ADARB2: variants seen among roughly 807,000 people sequenced by gnomAD.
ADARB2 encodes adenosine deaminase RNA specific B2 (inactive).
Under a neutral mutation model 62.2 loss-of-function variants are expected in ADARB2, and 25 were observed. That is an observed-to-expected ratio of 0.40 (90% CI 0.29 to 0.56). The LOEUF (loss-of-function observed/expected upper bound fraction) is 0.56. ADARB2 is among the 20% of genes least tolerant of loss of function. ADARB2 has a pLI of 0.43. For synonymous variants in ADARB2, 572 were observed against 500.8 expected (o/e 1.14, Z -1.90); for missense variants, 1,071 against 1,077.4 (o/e 0.99, Z 0.08).
At chr10:1,198,064 T>G (rs1042199882) in intron 8 of ADARB2, among the ~76,000 whole-genome samples, 1 of 152,264 alleles carries the variant, frequency 6.6e-6, no homozygotes, top group Admixed American at 6.5e-5. Context: ...TGCTGAAGGA[T>G]TCAGCGTTTG....
chr10:1,497,074 G>T (rs182653808), intron 1 of ADARB2, among the ~76,000 whole-genome samples: 34 of 152,266 alleles, frequency 2.2e-4, no homozygotes, highest in Admixed American at 1.6e-3. Flanking sequence ...ACTGGCTTTT[G>T]AATCTCAGGT....
intron 1 of ADARB2, among the ~76,000 whole-genome samples, chr10:1,641,445 A>G (rs1833976809): frequency 6.6e-6 from 1 of 152,274 alleles, no homozygotes; most frequent in African/African-American, 2.4e-5. Context: ...TGTTTAAACC[A>G]CAGCATTTTT....
Position 1,179,662 on chromosome 10 carries a change from A to C in ADARB2, c.*3531T>G, listed in dbSNP as rs1836638544. 1 of 152,266 alleles carries C rather than the reference A, an allele frequency of 6.6e-6. No homozygotes were observed. The highest frequency in any genetic ancestry group is 1.5e-5 in the Non-Finnish European group (1 of 68,052). 9.4% of individuals were successfully genotyped at this position (152,266 alleles called of 1,614,324 possible). A position where few individuals can be genotyped will look rare whatever the true frequency, so the allele number is the denominator to read the frequency against. The stretch of plus-strand genomic sequence containing the variant: ...GATGGGAAAGCAGTGTGTGTTTTGG[A>C]GGCAGATAAAGGTGGTGCTGGTTTT... On this transcript the variant is annotated 3_prime_UTR_variant, in exon 10 of 10. Transcript: ENST00000381312.
chr10:1,627,670 T>A (rs1226683513), intron 1 of ADARB2, among the ~76,000 whole-genome samples: 3 of 152,210 alleles, frequency 2.0e-5, no homozygotes, highest in Non-Finnish European at 4.4e-5. Context: ...CACTGGCTGT[T>A]TTACAGATTA....
At chr10:1,271,512 C>T (rs1661042096) in intron 3 of ADARB2, among the ~76,000 whole-genome samples, 1 of 152,206 alleles carries the variant, frequency 6.6e-6, no homozygotes, top group African/African-American at 2.4e-5. Flanking sequence ...AAATGGCTGG[C>T]GCTGTGGCTC....
At chr10:1,193,785 G>A (rs1836872969) in intron 8 of ADARB2, among the ~76,000 whole-genome samples, 1 of 151,918 alleles carries the variant, frequency 6.6e-6, no homozygotes, top group Admixed American at 6.6e-5. Flanking sequence ...TTGTTTTTTT[G>A]TCTTCTGAGA....
intron 3 of ADARB2, among the ~76,000 whole-genome samples, chr10:1,350,079 C>G (rs1368768067): frequency 2.0e-5 from 3 of 152,188 alleles, no homozygotes; most frequent in African/African-American, 7.2e-5. Context: ...ATCTAAGCGT[C>G]TTATTTTCTT....
At chr10:1,606,420 C>T (rs1215601780) in intron 1 of ADARB2, among the ~76,000 whole-genome samples, 1 of 152,118 alleles carries the variant, frequency 6.6e-6, no homozygotes, top group Non-Finnish European at 1.5e-5. Flanking sequence ...CAGGTGAGAG[C>T]CCTGCTTCAC....
At chr10:1,259,722 C>G (rs922507217) in intron 4 of ADARB2, among the ~76,000 whole-genome samples, 59 of 152,274 alleles carry the variant, frequency 3.9e-4, no homozygotes, top group African/African-American at 1.3e-3. Context: ...ACCAGAGGTA[C>G]AAGGAGGAAC....
intron 1 of ADARB2, among the ~76,000 whole-genome samples, chr10:1,680,003 G>T (rs1834514690): frequency 6.6e-6 from 1 of 152,094 alleles, no homozygotes; most frequent in Non-Finnish European, 1.5e-5. Context: ...CACTTAACCT[G>T]CCAGGCAGTG....
chr10:1,735,248 T>C (rs1363304609), intron 1 of ADARB2, among the ~76,000 whole-genome samples: 2 of 152,214 alleles, frequency 1.3e-5, no homozygotes, highest in Non-Finnish European at 2.9e-5. Flanking sequence ...TATGGAAATA[T>C]TTGCTATAGG....
intron 1 of ADARB2, among the ~76,000 whole-genome samples, chr10:1,467,297 A>G (rs960784305): frequency 6.6e-6 from 1 of 152,230 alleles, no homozygotes; most frequent in African/African-American, 2.4e-5. Flanking sequence ...CTGTTCTTCA[A>G]GCCCCCATCT....
chr10:1,224,364 T>C (rs1454436399), intron 6 of ADARB2, among the ~76,000 whole-genome samples: 2 of 132,904 alleles, frequency 1.5e-5, no homozygotes, highest in East Asian at 4.9e-4. Context: ...TGTTGATCTT[T>C]TCAAAAAAAC....
intron 1 of ADARB2, among the ~76,000 whole-genome samples, chr10:1,628,580 C>T (rs1225062814): frequency 6.6e-6 from 1 of 152,238 alleles, no homozygotes; most frequent in Admixed American, 6.5e-5. Context: ...CCGAATGTCA[C>T]TAGAGACTCA....
At position 1,271,726 on chromosome 10, in the gene ADARB2, G is replaced by A. The variant is rs115643229; in HGVS notation, c.1078-657C>T. 3.5e-3 allele frequency among the ~76,000 whole-genome samples: 526 copies of A among 152,336 alleles called. 5 individuals are homozygous for A. The highest frequency in any genetic ancestry group is 0.012 in the African/African-American group (493 of 41,574). ...TGATAAGGTGACTCCTGGTCTCTGG[G>A]AAGACAGCACACACAGTGTGGCTCT... On this transcript the variant is annotated intron_variant, in intron 3 of 9. Transcript: ENST00000381312.
chr10:1,678,732 C>G (rs747460841), intron 1 of ADARB2, among the ~76,000 whole-genome samples: 1 of 151,976 alleles, frequency 6.6e-6, no homozygotes, highest in African/African-American at 2.4e-5. Context: ...GGAGTTTGCC[C>G]GAGGTGCAGC....
chr10:1,729,613 G>C (rs1835207321), intron 1 of ADARB2, among the ~76,000 whole-genome samples: 1 of 152,168 alleles, frequency 6.6e-6, no homozygotes. Context: ...TATACTTCCG[G>C]TGGACTTAAA....
rs776816770 is a variant in ADARB2, at chr10:1,177,939, C to A, written c.*5254G>T. 6.6e-6 allele frequency: 1 copy of A among 152,206 alleles called. No homozygotes were observed. The highest frequency in any genetic ancestry group is 1.5e-5 in the Non-Finnish European group (1 of 68,040). 9.4% of individuals were successfully genotyped at this position (152,206 alleles called of 1,614,324 possible). Reference sequence around the variant, plus strand: ...TGAGACCCCATCTCTACCAAAAATACAAAAATTAGCCAATCTCATAAGCCG... The same window carrying A: ...TGAGACCCCATCTCTACCAAAAATAAAAAAATTAGCCAATCTCATAAGCCG... On this transcript the variant is annotated 3_prime_UTR_variant, in exon 10 of 10. Transcript: ENST00000381312.
intron 1 of ADARB2, among the ~76,000 whole-genome samples, chr10:1,616,045 T>C (rs35631463): frequency 0.16 from 24,127 of 152,228 alleles, 2,017 homozygotes; most frequent in Non-Finnish European, 0.19. Flanking sequence ...CATTTTACAA[T>C]GCTGGTGGCA....
Sources: gnomAD v4.1 joint callset for allele counts (sites outside exome capture counted in the v4.1 genomes callset) on GRCh38, gnomAD v4.1.1 for gene constraint, MANE v1.5 for transcripts, NCBI Gene and HGNC (gene_info 2026-07-23, HGNC 2026-07-21) for gene names.